The following KIAA1671 variants were observed in gnomAD, a reference collection of about 807,000 sequenced individuals.
KIAA1671 encodes the protein uncharacterized protein KIAA1671.
A neutral mutation model predicts 131.2 loss-of-function variants in KIAA1671; 52 were observed. The ratio of observed to expected loss-of-function variants is 0.40; its 90% CI spans 0.32 to 0.50. The LOEUF is 0.50. Ranked by LOEUF, KIAA1671 falls within the 20% of genes least tolerant of loss-of-function variation. KIAA1671 has a pLI of 0.73. For missense variants in KIAA1671, 2,360 were observed against 2,364.2 expected, an observed-to-expected ratio of 1.00 and a Z score of 0.04; for synonymous variants, 1,003 against 961.6, an observed-to-expected ratio of 1.04 and a Z score of -0.80.
At chr22:25,186,413 G>C (rs1934476835) in intron 11 of KIAA1671, 1 of 152,156 alleles carries the variant, frequency 6.6e-6, no homozygotes, top group Admixed American at 6.5e-5. Context: ...ACTAAAGAAT[G>C]AGACCTTGTC....
intron 1 of KIAA1671, among the ~76,000 whole-genome samples, chr22:25,007,000 T>C (rs1924781790): frequency 6.7e-6 from 1 of 149,982 alleles, no homozygotes; most frequent in African/African-American, 2.4e-5. Flanking sequence ...AGCATTATTC[T>C]GTCTACTGAA....
At chr22:25,109,662 C>T (rs779495171) in intron 6 of KIAA1671, among the ~76,000 whole-genome samples, 4 of 152,166 alleles carry the variant, frequency 2.6e-5, no homozygotes, top group African/African-American at 4.8e-5. Flanking sequence ...TAGTTGATTC[C>T]TGTGAATGCT....
At chr22:25,069,825 C>A (rs547452527) in intron 6 of KIAA1671, 6 of 152,456 alleles carry the variant, frequency 3.9e-5, no homozygotes, top group Admixed American at 3.9e-4. Context: ...GGAGGAACCA[C>A]ATACATTTGG....
intron 1 of KIAA1671, among the ~76,000 whole-genome samples, chr22:24,976,042 C>G (rs575413568): frequency 6.6e-6 from 1 of 152,316 alleles, no homozygotes; most frequent in South Asian, 2.1e-4. Context: ...GACTGGGAAC[C>G]GAGTGAGTTT....
intron 1 of KIAA1671, among the ~76,000 whole-genome samples, chr22:24,992,115 C>A (rs750052570): frequency 3.9e-5 from 6 of 152,176 alleles, no homozygotes; most frequent in Non-Finnish European, 8.8e-5. Flanking sequence ...GCGCCTGAAG[C>A]TAATGTCCTA....
At chr22:25,057,807 A>G (rs1927938608) in intron 6 of KIAA1671, 1 of 152,274 alleles carries the variant, frequency 6.6e-6, no homozygotes, top group Admixed American at 6.5e-5. Context: ...ATGCTGGCTA[A>G]TTTTTGTATT....
intron 4 of KIAA1671, among the ~76,000 whole-genome samples, chr22:25,034,725 A>T (rs1160366834): frequency 6.6e-6 from 1 of 151,386 alleles, no homozygotes; most frequent in East Asian, 1.9e-4. Flanking sequence ...TTCTTTTTTA[A>T]TTTTTTAATT....
At chr22:25,155,843 G>T (rs1201924324) in intron 6 of KIAA1671, among the ~76,000 whole-genome samples, 2 of 150,970 alleles carry the variant, frequency 1.3e-5, no homozygotes, top group African/African-American at 4.9e-5. Context: ...CTATGCATTT[G>T]CCTGTATATG....
At chr22:24,979,484 G>A (rs1189975580) in intron 1 of KIAA1671, among the ~76,000 whole-genome samples, 2 of 151,108 alleles carry the variant, frequency 1.3e-5, no homozygotes, top group East Asian at 3.9e-4. Flanking sequence ...CAAGTAGCTG[G>A]GACTACAGAC....
intron 1 of KIAA1671, among the ~76,000 whole-genome samples, chr22:24,965,196 C>T (rs539482000): frequency 6.6e-5 from 10 of 152,006 alleles, no homozygotes; most frequent in African/African-American, 1.9e-4. Flanking sequence ...AGACAGATCA[C>T]CTGAGGTCAG....
chr22:25,043,669 G>A (rs889875439), intron 5 of KIAA1671, among the ~76,000 whole-genome samples: 27 of 152,164 alleles, frequency 1.8e-4, no homozygotes, highest in African/African-American at 4.8e-5. Flanking sequence ...AAGGTGTCCT[G>A]GAGGAGTCGG....
At position 25,040,552 on chromosome 22, in the gene KIAA1671, G is replaced by C. The variant is rs902744604; in HGVS notation, c.3422G>C (p.Arg1141Pro). Residue 1141 changes from arginine (R) to proline (P), a missense_variant, in exon 5 of 13, where the codon CGT becomes CCT. Around this residue, in one of 3 missense-constraint regions of KIAA1671, gnomAD observed 1,161 missense variants for 1,204.7 expected, o/e 0.96. Coordinates refer to ENST00000358431, the MANE Select transcript of KIAA1671 (RefSeq NM_001145206.2). ...CATCGGGGATCAGAAGATGGCCCTC[G>C]TCCTCAAAGCAATTGGAAGGAAAGT... ...WSHRGSEDGP[R>P]PQSNWKESAN... 10 of 1,551,770 alleles carry C rather than the reference G, an allele frequency of 6.4e-6. No individual in the cohort carries two copies. Among genetic ancestry groups the C allele is most frequent in the Non-Finnish European group, 8.7e-6 (10 of 1,147,030 alleles).
chr22:25,156,417 GTGTT>G (rs1933244847), intron 6 of KIAA1671, among the ~76,000 whole-genome samples: 2 of 152,022 alleles, frequency 1.3e-5, no homozygotes, highest in East Asian at 3.9e-4. Context: ...ATGTGTATAT[GTGTT>G]TGTGTGTATA....
chr22:25,193,080 G>A lies in KIAA1671; in HGVS notation c.*679G>A, dbSNP rs1349134016. ...GTCATTTTTGTTTGCTTTAGAAGGC[G>A]ATAAAGCAATAATTCAGCTAATTTT... On this transcript the variant is annotated 3_prime_UTR_variant, in exon 13 of 13. Coordinates refer to ENST00000358431, the MANE Select transcript of KIAA1671 (RefSeq NM_001145206.2). The A allele has an allele frequency of 6.6e-6, 1 of 152,120 alleles. No homozygotes were observed. The highest frequency in any genetic ancestry group is 1.5e-5 in the Non-Finnish European group (1 of 68,030). 9.4% of individuals were successfully genotyped at this position (152,120 alleles called of 1,614,324 possible).
intron 6 of KIAA1671, among the ~76,000 whole-genome samples, chr22:25,092,433 C>A (rs1407968468): frequency 1.3e-5 from 2 of 152,110 alleles, no homozygotes; most frequent in East Asian, 3.9e-4. Flanking sequence ...CAAGTGGGAG[C>A]CTTGTGGGCC....
At chr22:25,189,608 A>T (rs1050991099) in intron 11 of KIAA1671, among the ~76,000 whole-genome samples, 1 of 152,232 alleles carries the variant, frequency 6.6e-6, no homozygotes, top group African/African-American at 2.4e-5. Context: ...TTGCATAAAC[A>T]TCTAGAATAG....
chr22:25,181,982 C>G (rs1934294468), intron 10 of KIAA1671, among the ~76,000 whole-genome samples, 159 bp downstream of exon 10: 1 of 152,060 alleles, frequency 6.6e-6, no homozygotes, highest in Non-Finnish European at 1.5e-5. Flanking sequence ...TCGAGACCAT[C>G]CTGGATAACA....
intron 1 of KIAA1671, among the ~76,000 whole-genome samples, chr22:24,963,460 A>C (rs569361268): frequency 5.0e-4 from 76 of 151,882 alleles, no homozygotes; most frequent in Non-Finnish European, 1.0e-3. Context: ...TGGGTTTCCA[A>C]AGTAAGCTGG....
intron 6 of KIAA1671, among the ~76,000 whole-genome samples, chr22:25,152,440 CA>C (rs59449706): frequency 0.27 from 40,506 of 152,074 alleles, 5,506 homozygotes; most frequent in South Asian, 0.39. Flanking sequence ...CACACAAACA[CA>C]ATGCATGCAG....
Sources: allele counts gnomAD v4.1 joint callset (sites outside exome capture counted in the v4.1 genomes callset), GRCh38; gene constraint gnomAD v4.1.1; regional missense constraint gnomAD v4.1.1; transcripts MANE v1.5; gene names NCBI Gene and HGNC (gene_info 2026-07-23, HGNC 2026-07-21).